Variants in AOX1 observed in about 807,000 individuals in gnomAD.
AOX1 encodes aldehyde oxidase.
AOX1 carries 153 observed loss-of-function variants against 169.5 expected under a neutral mutation model. That is an observed-to-expected ratio of 0.90 (90% CI 0.79 to 1.03). AOX1 has a LOEUF of 1.03. Among genes scored for constraint, AOX1 ranks in the 50% least tolerant of loss-of-function variants. The probability of loss-of-function intolerance (pLI) is 0.00; values close to 1 mark genes in which losing one functional copy is unlikely to be tolerated. For synonymous variants in AOX1, 562 were observed against 581.9 expected (o/e 0.97, Z 0.49); for missense variants, 1,656 against 1,663.9 (o/e 1.00, Z 0.08).
chr2:200,638,050 C>A (rs1430378647), intron 22 of AOX1, 165 bp from the exon 23 acceptor site: 9 of 573,938 alleles, frequency 1.6e-5, no homozygotes, highest in Non-Finnish European at 9.4e-6. Context: ...GGGAGGAAAG[C>A]CCACGGTGTA....
intron 25 of AOX1, among the ~76,000 whole-genome samples, chr2:200,649,791 C>T (rs1396732742): frequency 6.6e-6 from 1 of 152,162 alleles, no homozygotes; most frequent in African/African-American, 2.4e-5. Flanking sequence ...TGCTGTGATG[C>T]TGGTGCAAGG....
At chr2:200,673,920 A>C (rs921983214), downstream of AOX1, among the ~76,000 whole-genome samples, 47 of 152,250 alleles carry the variant, frequency 3.1e-4, 1 homozygote, top group Non-Finnish European at 4.9e-4. Context: ...CTTGGGTCTG[A>C]CTGCCACTAT....
intron 4 of AOX1, 118 bp from the exon 5 acceptor site, chr2:200,599,502 G>T (rs2034357183): frequency 1.2e-6 from 1 of 801,588 alleles, no homozygotes; most frequent in South Asian, 2.2e-5. Flanking sequence ...AGGGGCCTCT[G>T]CTGCAATCTT....
At chr2:200,680,279 A>G (rs1266149702), downstream of AOX1, among the ~76,000 whole-genome samples, 1 of 152,200 alleles carries the variant, frequency 6.6e-6, no homozygotes, top group African/African-American at 2.4e-5. Context: ...GCAGAAAATA[A>G]GAAGAAAAAA....
At chr2:200,636,466 A>T (rs771335295) in intron 21 of AOX1, among the ~76,000 whole-genome samples, 3 of 152,148 alleles carry the variant, frequency 2.0e-5, no homozygotes, top group Non-Finnish European at 4.4e-5. Context: ...AGTAGAATGC[A>T]GGGAAAAGAC....
At chr2:200,598,821 G>A (rs948997441) in intron 4 of AOX1, among the ~76,000 whole-genome samples, 1 of 151,988 alleles carries the variant, frequency 6.6e-6, no homozygotes, top group African/African-American at 2.4e-5. Flanking sequence ...AGAAGGAAAA[G>A]ATAGGAGCAA....
chr2:200,651,476 G>A (rs2035579815), intron 26 of AOX1, among the ~76,000 whole-genome samples: 1 of 152,152 alleles, frequency 6.6e-6, no homozygotes, highest in African/African-American at 2.4e-5. Flanking sequence ...ACAGGAGTTG[G>A]CAAATGGCAG....
At chr2:200,675,220 T>C (rs1407226777), downstream of AOX1, among the ~76,000 whole-genome samples, 1 of 152,224 alleles carries the variant, frequency 6.6e-6, no homozygotes, top group East Asian at 1.9e-4. Context: ...GGGTGGTTCA[T>C]ACTGGCAGAG....
intron 1 of AOX1, among the ~76,000 whole-genome samples, chr2:200,590,441 C>G (rs2034145216): frequency 6.6e-6 from 1 of 152,114 alleles, no homozygotes; most frequent in Admixed American, 6.5e-5. Context: ...TACCCATCCC[C>G]TGTATGCCTT....
chr2:200,610,842 A>C (rs1307042537), intron 12 of AOX1, among the ~76,000 whole-genome samples: 1 of 152,092 alleles, frequency 6.6e-6, no homozygotes, highest in Non-Finnish European at 1.5e-5. Flanking sequence ...CTATTTTTTA[A>C]ATCTATTTTT....
At chr2:200,590,089 T>G (rs2034137044) in intron 1 of AOX1, among the ~76,000 whole-genome samples, 1 of 152,136 alleles carries the variant, frequency 6.6e-6, no homozygotes, top group African/African-American at 2.4e-5. Context: ...CACCCCTTTC[T>G]TTCCTCCTCT....
Position 200,616,047 on chromosome 2 carries a change from G to A in AOX1, c.1688G>A (p.Ser563Asn). Residue 563 changes from serine (S) to asparagine (N), a missense_variant, in exon 16 of 35, where the codon AGT becomes AAT. Coordinates refer to ENST00000374700, the MANE Select transcript of AOX1 (RefSeq NM_001159.4). ...GATCTTCATTCCAAACATCACTGCA[G>A]TACATTAAAGTACCAGGTGAGCGGT... ...LEDLHSKHHCSTLKYQNIGPK... is the reference protein window; with the variant it reads ...LEDLHSKHHCNTLKYQNIGPK... The A allele has an allele frequency of 6.2e-7, 1 of 1,611,478 alleles. No individual in the cohort carries two copies. Among genetic ancestry groups the A allele is most frequent in the Non-Finnish European group, 8.5e-7 (1 of 1,177,692 alleles).
chr2:200,611,394 A>G lies in AOX1; in HGVS notation c.1164A>G (p.Arg388=). The change falls in exon 13 of 35, where the codon CGA becomes CGG. Residue 388 remains arginine (R), a synonymous_variant. Coordinates refer to ENST00000374700, the MANE Select transcript of AOX1 (RefSeq NM_001159.4). ...CATTTCTTTCCACAGAAGGAAAACG[A>G]CAGATTCCTTTAAATGAGCAATTCC... The part of the protein sequence containing the change: ...TLNLLSKEGK[R]QIPLNEQFLS... 1 of 1,612,332 alleles carries G rather than the reference A, an allele frequency of 6.2e-7. No homozygotes were observed. The highest frequency in any genetic ancestry group is 8.5e-7 in the Non-Finnish European group (1 of 1,178,434).
intron 19 of AOX1, among the ~76,000 whole-genome samples, chr2:200,624,271 T>C (rs974721442): frequency 1.3e-5 from 2 of 152,194 alleles, no homozygotes; most frequent in Non-Finnish European, 2.9e-5. Context: ...AGAGGAACCC[T>C]ATTGCCCCAG....
At chr2:200,669,386 G>A (rs538337220) in intron 33 of AOX1, among the ~76,000 whole-genome samples, 189 bp from the exon 34 acceptor site, 1 of 152,148 alleles carries the variant, frequency 6.6e-6, no homozygotes, top group South Asian at 2.1e-4. Context: ...GGAGGTTGCA[G>A]TGAGCTGAGA....
intron 3 of AOX1, among the ~76,000 whole-genome samples, chr2:200,595,571 G>A (rs770382050): frequency 7.9e-5 from 12 of 152,020 alleles, no homozygotes; most frequent in East Asian, 1.9e-4. Flanking sequence ...GATAACATAC[G>A]GTCAAAGAAT....
At chr2:200,599,198 G>A (rs2034351751) in intron 4 of AOX1, among the ~76,000 whole-genome samples, 1 of 152,258 alleles carries the variant, frequency 6.6e-6, no homozygotes, top group South Asian at 2.1e-4. Context: ...CTCAACTTGA[G>A]TGTAATTTGG....
chr2:200,609,462 C>A, intron 12 of AOX1, 48 bp downstream of exon 12: 2 of 1,478,674 alleles, frequency 1.4e-6, no homozygotes, highest in Non-Finnish European at 9.5e-7. Context: ...TTCTCTACCC[C>A]TTTTTCTCTC....
At chr2:200,593,309 T>G (rs952703387) in intron 2 of AOX1, 106 bp downstream of exon 2, 21 of 907,808 alleles carry the variant, frequency 2.3e-5, no homozygotes, top group Admixed American at 3.9e-5. Context: ...CTGAGACATA[T>G]TCCCTACTAT....
Sources: allele counts gnomAD v4.1 joint callset (sites outside exome capture counted in the v4.1 genomes callset), GRCh38; gene constraint gnomAD v4.1.1; transcripts MANE v1.5; gene names NCBI Gene and HGNC (gene_info 2026-07-23, HGNC 2026-07-21).